Variants in TECPR2 observed in about 807,000 individuals in gnomAD.
TECPR2 encodes the protein tectonin beta-propeller repeat-containing protein 2.
A neutral mutation model predicts 138.1 loss-of-function variants in TECPR2; 65 were observed. The observed-to-expected ratio is 0.47, with a 90% CI of 0.39 to 0.58. The LOEUF is 0.58. TECPR2 is among the 20% of genes least tolerant of loss of function. The pLI is 0.00. For synonymous variants in TECPR2, 746 were observed against 749.8 expected, an observed-to-expected ratio of 0.99 and a Z score of 0.08; for missense variants, 1,553 against 1,824.5, an observed-to-expected ratio of 0.85 and a Z score of 2.71.
At position 102,420,361 on chromosome 14, in the gene TECPR2, C is replaced by T. The variant is rs1222995830; in HGVS notation, c.639-4618C>T. 1.3e-5 allele frequency among the ~76,000 whole-genome samples: 2 copies of T among 152,222 alleles called. No individual in the cohort carries two copies. The highest frequency in any genetic ancestry group is 1.5e-5 in the Non-Finnish European group (1 of 68,042). ...AAAGCACCAGCAAGTACTGCAGAATCGCACTGCAAGTGGATGGTGGCTGAG... is the reference window on the plus strand; with the variant it reads ...AAAGCACCAGCAAGTACTGCAGAATTGCACTGCAAGTGGATGGTGGCTGAG... On this transcript the variant is annotated intron_variant, in intron 5 of 19. Transcript: ENST00000359520. The surrounding 1 kb of genome is among the most constrained non-coding windows in gnomAD (Gnocchi z 4.1).
chr14:102,450,654 G>A lies in TECPR2; in HGVS notation c.3406+5G>A, dbSNP rs992484218. The A allele has an allele frequency of 3.1e-6, 5 of 1,614,090 alleles. No homozygotes were observed. The highest frequency in any genetic ancestry group is 4.2e-6 in the Non-Finnish European group (5 of 1,179,962). ...CTGCAGCTCCCACGAAGGAAGGTGG[G>A]TCAGTCTTAGCCTCACTGAAGAATC... On this transcript the variant is annotated splice_donor_5th_base_variant and intron_variant, in intron 15 of 19. Transcript: ENST00000359520.
intron 2 of TECPR2, among the ~76,000 whole-genome samples, chr14:102,397,675 A>G (rs1192992328): frequency 1.3e-5 from 2 of 152,114 alleles, no homozygotes; most frequent in Non-Finnish European, 2.9e-5. Flanking sequence ...TGAACCTGGG[A>G]GGCAGAGGTT....
intron 17 of TECPR2, among the ~76,000 whole-genome samples, chr14:102,466,258 C>T (rs1031791300): frequency 3.3e-4 from 50 of 152,224 alleles, no homozygotes; most frequent in African/African-American, 1.1e-3. Flanking sequence ...CCACCACTAG[C>T]GGTCATGGCC....
intron 17 of TECPR2, among the ~76,000 whole-genome samples, chr14:102,466,075 A>C (rs1890545716): frequency 6.6e-6 from 1 of 152,126 alleles, no homozygotes; most frequent in Non-Finnish European, 1.5e-5. Context: ...CCTTCAGTGG[A>C]GTCAGGAAAG....
chr14:102,380,164 G>A (rs867670839), intron 2 of TECPR2, among the ~76,000 whole-genome samples: 257 of 90,110 alleles, frequency 2.9e-3, no homozygotes, highest in South Asian at 0.01. Context: ...GAAGATCACA[G>A]TCTTAAAATC....
At chr14:102,490,085 A>G (rs568921687) in intron 17 of TECPR2, among the ~76,000 whole-genome samples, 84 of 152,266 alleles carry the variant, frequency 5.5e-4, no homozygotes, top group Admixed American at 2.7e-3. Flanking sequence ...ACCGCCAGTG[A>G]ATCAGGTCAC....
rs562163738 is a variant in TECPR2 at position 102,464,796 on chromosome 14, C to G, written c.3641-345C>G. 3.9e-5 allele frequency among the ~76,000 whole-genome samples: 6 copies of G among 152,324 alleles called. No homozygotes were observed. In the South Asian group the frequency reaches 1.2e-3, roughly 32 times the overall value. On this transcript the variant is annotated intron_variant, in intron 16 of 19. Transcript: ENST00000359520. ...CTGAGGAAGCTGACGATGGGACCCA[C>G]ATTGAGATACTAATCCCAGGGCTCG...
At chr14:102,370,371 G>A (rs561225390) in intron 1 of TECPR2, among the ~76,000 whole-genome samples, 6 of 152,222 alleles carry the variant, frequency 3.9e-5, no homozygotes, top group Admixed American at 1.3e-4. Flanking sequence ...ACACCCGGCC[G>A]GTAATAAGAT....
intron 17 of TECPR2, among the ~76,000 whole-genome samples, chr14:102,484,945 C>T (rs1262028505): frequency 1.3e-5 from 2 of 152,248 alleles, no homozygotes; most frequent in African/African-American, 4.8e-5. Flanking sequence ...AGGCGCGAGC[C>T]ACTGCGCCCG....
At chr14:102,484,746 C>A (rs138216954) in intron 17 of TECPR2, among the ~76,000 whole-genome samples, 6 of 152,144 alleles carry the variant, frequency 3.9e-5, no homozygotes, top group Non-Finnish European at 5.9e-5. Flanking sequence ...GCAGCCTCCC[C>A]CTCCTGTGTT....
intron 2 of TECPR2, among the ~76,000 whole-genome samples, chr14:102,378,393 T>A (rs548391781): frequency 1.7e-4 from 26 of 152,288 alleles, no homozygotes; most frequent in African/African-American, 4.6e-4. Flanking sequence ...ATATATTTTT[T>A]AAATTTTTTA....
chr14:102,425,009 A>C lies in TECPR2; in HGVS notation c.669A>C (p.Pro223=), dbSNP rs750443286. The part of the protein sequence containing the change: ...STGKFGACFI[P]GLCKQSDLTL... ...GGAAATTTGGTGCTTGTTTTATACC[A>C]GGACTCTGTAAGCAAAGTGATCTAA... The change falls in exon 6 of 20, where the codon CCA becomes CCC. Residue 223 remains proline (P), a synonymous_variant. Transcript: ENST00000359520. 2.7e-5 allele frequency: 43 copies of C among 1,613,580 alleles called. No homozygotes were observed. Among genetic ancestry groups the C allele is most frequent in the Non-Finnish European group, 3.6e-5 (43 of 1,179,852 alleles).
intron 1 of TECPR2, among the ~76,000 whole-genome samples, chr14:102,372,152 T>C (rs570640330): frequency 1.3e-5 from 2 of 152,310 alleles, no homozygotes; most frequent in South Asian, 2.1e-4. Flanking sequence ...GATCTTGCCA[T>C]GTTTCCCAGG....
chr14:102,462,935 T>G (rs187445976), intron 16 of TECPR2, among the ~76,000 whole-genome samples: 1 of 152,296 alleles, frequency 6.6e-6, no homozygotes, highest in African/African-American at 2.4e-5. Flanking sequence ...CAGATGTCCA[T>G]AAGCATATTA....
At chr14:102,487,916 A>G (rs1433561973) in intron 17 of TECPR2, among the ~76,000 whole-genome samples, 2 of 145,826 alleles carry the variant, frequency 1.4e-5, no homozygotes, top group Non-Finnish European at 3.0e-5. Context: ...ATCTCGGCTC[A>G]CCACAACCTC....
rs1433311622 is a variant in TECPR2, at chr14:102,498,875, C to T, written c.*618C>T. The T allele has an allele frequency of 9.0e-6, 6 of 667,444 alleles. No individual in the cohort carries two copies. In the Admixed American group the frequency reaches 1.0e-4, roughly 11 times the overall value. The allele number at this position is 667,444 out of a possible 1,614,324, so 41.3% of individuals were successfully genotyped here. ...CACATGCACACCACAACACACAACA[C>T]ACCTCACCTCACACCACAGCACACC... On this transcript the variant is annotated 3_prime_UTR_variant, in exon 20 of 20. Coordinates refer to ENST00000359520, the MANE Select transcript of TECPR2 (RefSeq NM_014844.5).
rs1466559565 is a variant in TECPR2 at position 102,501,583 on chromosome 14, G to C, written c.*3326G>C. The C allele has an allele frequency of 6.6e-6, 1 of 152,064 alleles. No individual in the cohort carries two copies. Among genetic ancestry groups the C allele is most frequent in the Non-Finnish European group, 1.5e-5 (1 of 68,016 alleles). 9.4% of individuals were successfully genotyped at this position (152,064 alleles called of 1,614,324 possible). A position where few individuals can be genotyped will look rare whatever the true frequency, so the allele number is the denominator to read the frequency against. ...AGAAGGAAATAAATGTAAAAATGCT[G>C]CAAATTAAAAACCTCAAAGAAGGGA... On this transcript the variant is annotated 3_prime_UTR_variant, in exon 20 of 20. Transcript: ENST00000359520.
intron 13 of TECPR2, among the ~76,000 whole-genome samples, chr14:102,447,479 A>G (rs1347184680): frequency 6.6e-6 from 1 of 152,102 alleles, no homozygotes; most frequent in African/African-American, 2.4e-5. Flanking sequence ...TGTTGCTCCC[A>G]CAGTCTCCCA....
rs1291067971 is a variant in TECPR2 at position 102,498,306 on chromosome 14, A to G, written c.*49A>G. The stretch of plus-strand genomic sequence containing the variant: ...GAGGGGCCCGGCGTCTGTGGCGGGC[A>G]CAGGGGCTTCAGAGTGACTCCCTGG... On this transcript the variant is annotated 3_prime_UTR_variant, in exon 20 of 20. Coordinates refer to ENST00000359520, the MANE Select transcript of TECPR2 (RefSeq NM_014844.5). 5.8e-6 allele frequency: 9 copies of G among 1,561,426 alleles called. No homozygotes were observed. Among genetic ancestry groups the G allele is most frequent in the Non-Finnish European group, 7.7e-6 (9 of 1,161,610 alleles).
Sources: gnomAD v4.1 joint callset for allele counts (sites outside exome capture counted in the v4.1 genomes callset) on GRCh38, gnomAD v4.1.1 for gene constraint, Gnocchi (gnomAD v3.1) non-coding constraint, MANE v1.5 for transcripts, NCBI Gene and HGNC (gene_info 2026-07-23, HGNC 2026-07-21) for gene names.